RNF150: variants seen among roughly 807,000 people sequenced by gnomAD.
RNF150 encodes the protein ring finger protein 150.
A neutral mutation model predicts 39.3 loss-of-function variants in RNF150; 24 were observed. The ratio of observed to expected loss-of-function variants is 0.61; its 90% CI spans 0.44 to 0.86. The LOEUF (loss-of-function observed/expected upper bound fraction) is 0.86. Among genes scored for constraint, RNF150 ranks in the 40% least tolerant of loss-of-function variants. RNF150 has a pLI of 0.00. For synonymous variants in RNF150, 255 were observed against 227.3 expected, an observed-to-expected ratio of 1.12 and a Z score of -1.10; for missense variants, 502 against 587.8, an observed-to-expected ratio of 0.85 and a Z score of 1.51.
At position 141,162,848 on chromosome 4, in the gene RNF150, G is replaced by A. The variant is rs534897233; in HGVS notation, c.-6+49946C>T. On this transcript the variant is annotated intron_variant, in intron 1 of 7. Coordinates refer to the RNF150 transcript ENST00000420921. ...TCTCTCAAGTGCCTATGCCACCAGG[G>A]CCCTGGGTTTCAAGCACAAAACTGG... Among the ~76,000 whole-genome samples, 7 of 152,310 alleles carry A rather than the reference G, an allele frequency of 4.6e-5. No homozygotes were observed. In the South Asian group the frequency reaches 1.0e-3, roughly 23 times the overall value.
At chr4:141,061,918 C>T (rs1478205296) in intron 1 of RNF150, among the ~76,000 whole-genome samples, 4 of 151,866 alleles carry the variant, frequency 2.6e-5, no homozygotes, top group African/African-American at 9.7e-5. Context: ...GAATCGCCTC[C>T]CAAAAGTACA....
chr4:141,147,934 A>G (rs1375874888), intron 1 of RNF150, among the ~76,000 whole-genome samples: 1 of 152,328 alleles, frequency 6.6e-6, no homozygotes, highest in East Asian at 1.9e-4. Context: ...CCAGGAGTTG[A>G]ATAAAAACTT....
At chr4:141,174,862 G>A (rs1727782641) in intron 1 of RNF150, among the ~76,000 whole-genome samples, 1 of 148,552 alleles carries the variant, frequency 6.7e-6, no homozygotes, top group African/African-American at 2.5e-5. Flanking sequence ...AGTTGTCTGA[G>A]TGGTTACCTG....
rs900938471 is a variant in RNF150 at position 140,866,885 on chromosome 4, T to C, written c.*1376A>G. The C allele has an allele frequency of 6.6e-6, 1 of 152,152 alleles. No homozygotes were observed. The highest frequency in any genetic ancestry group is 2.4e-5 in the African/African-American group (1 of 41,434). 9.4% of individuals were successfully genotyped at this position (152,152 alleles called of 1,614,324 possible). A position where few individuals can be genotyped will look rare whatever the true frequency, so the allele number is the denominator to read the frequency against. On this transcript the variant is annotated 3_prime_UTR_variant, in exon 7 of 7. Coordinates refer to ENST00000515673, the MANE Select transcript of RNF150 (RefSeq NM_020724.2). ...ATTACAAAATTGCCCACTGAAAAAA[T>C]AGCACATTTCTGTCATAGTTACAAA... is the stretch of plus-strand genomic sequence containing the variant.
chr4:141,183,942 A>T (rs2111191948), intron 1 of RNF150, among the ~76,000 whole-genome samples: 1 of 152,242 alleles, frequency 6.6e-6, no homozygotes, highest in South Asian at 2.1e-4. Context: ...AGTCTTTGTT[A>T]TTGTAAATAG....
At chr4:141,131,797 T>C (rs1726896403) in intron 1 of RNF150, among the ~76,000 whole-genome samples, 1 of 152,180 alleles carries the variant, frequency 6.6e-6, no homozygotes, top group South Asian at 2.1e-4. Flanking sequence ...CAGAGCATAG[T>C]ACTTTTAATA....
chr4:140,874,750 T>C (rs954190384), intron 6 of RNF150, among the ~76,000 whole-genome samples: 1 of 152,218 alleles, frequency 6.6e-6, no homozygotes, highest in African/African-American at 2.4e-5. Context: ...TAGCCGGGAC[T>C]ACAGGCATCT....
intron 5 of RNF150, among the ~76,000 whole-genome samples, chr4:140,920,953 T>C (rs1426159078): frequency 6.6e-6 from 1 of 151,786 alleles, no homozygotes; most frequent in Non-Finnish European, 1.5e-5. Context: ...AACCAAACAC[T>C]GCATATTCTC....
chr4:141,091,747 T>A (rs1244946315), intron 1 of RNF150, among the ~76,000 whole-genome samples: 2 of 152,058 alleles, frequency 1.3e-5, no homozygotes, highest in African/African-American at 4.8e-5. Context: ...GCAAATACAT[T>A]CAATTTCTCA....
chr4:140,868,045 C>T lies in RNF150; in HGVS notation c.*216G>A. ...AGGAGTGGAAATCAGCTTTCAACTT[C>T]CCAGCTGCCAAGGCCACAGACTGCC... On this transcript the variant is annotated 3_prime_UTR_variant, in exon 7 of 7. Transcript: ENST00000515673. 1 of 492,190 alleles carries T rather than the reference C, an allele frequency of 2.0e-6. No homozygotes were observed. The highest frequency in any genetic ancestry group is 3.3e-5 in the East Asian group (1 of 30,468). 30.5% of individuals were successfully genotyped at this position (492,190 alleles called of 1,614,324 possible).
At chr4:140,985,334 ACACACAGCTACTGAAAAC>A (rs1485030225) in intron 1 of RNF150, among the ~76,000 whole-genome samples, 1 of 152,184 alleles carries the variant, frequency 6.6e-6, no homozygotes, top group East Asian at 1.9e-4. Context: ...AGTTGCAGTT[ACACACAGCTACTGAAAAC>A]CACCAAACTG....
intron 4 of RNF150, among the ~76,000 whole-genome samples, chr4:140,928,806 A>G (rs1202629642): frequency 6.6e-6 from 1 of 152,116 alleles, no homozygotes; most frequent in Non-Finnish European, 1.5e-5. Context: ...TCAGCCTCCC[A>G]AAGTGCTAGG....
At position 141,174,197 on chromosome 4, in the gene RNF150, G is replaced by A. The variant is rs1005387610; in HGVS notation, c.-6+38597C>T. Among the ~76,000 whole-genome samples, 6 of 152,312 alleles carry A rather than the reference G, an allele frequency of 3.9e-5. No individual in the cohort carries two copies. The East Asian group carries it at 7.7e-4, about 20-fold the overall frequency. On this transcript the variant is annotated intron_variant, in intron 1 of 7. Coordinates refer to the RNF150 transcript ENST00000420921. ...CTTGACTAAAGGCTGGGCAAAAAATGTGCATAAAAGTGTCTGAGACATCTC... is the reference window on the plus strand; with the variant it reads ...CTTGACTAAAGGCTGGGCAAAAAATATGCATAAAAGTGTCTGAGACATCTC...
intron 1 of RNF150, among the ~76,000 whole-genome samples, chr4:141,161,095 C>T (rs1395119798): frequency 1.3e-5 from 2 of 152,058 alleles, no homozygotes; most frequent in Non-Finnish European, 2.9e-5. Flanking sequence ...TTGGGACACC[C>T]TAGAAACTGG....
intron 6 of RNF150, among the ~76,000 whole-genome samples, chr4:140,870,869 C>T (rs1446707695): frequency 6.6e-6 from 1 of 150,602 alleles, no homozygotes; most frequent in Non-Finnish European, 1.5e-5. Flanking sequence ...AAAAAAAAAT[C>T]CCTTCACTGT....
chr4:141,190,308 G>A (rs1323891334), intron 1 of RNF150, among the ~76,000 whole-genome samples: 1 of 152,202 alleles, frequency 6.6e-6, no homozygotes, highest in Non-Finnish European at 1.5e-5. Flanking sequence ...TCGATTTTAA[G>A]TTTATCTAAG....
chr4:141,030,184 A>G (rs565230455), intron 1 of RNF150, among the ~76,000 whole-genome samples: 1 of 151,322 alleles, frequency 6.6e-6, no homozygotes, highest in South Asian at 2.1e-4. Context: ...ACAAAGTGAG[A>G]CTCCGTCTAA....
chr4:141,093,199 T>C (rs1276950743), intron 1 of RNF150, among the ~76,000 whole-genome samples: 1 of 152,002 alleles, frequency 6.6e-6, no homozygotes, highest in African/African-American at 2.4e-5. Context: ...ACCCCATCTC[T>C]ACTAAATACA....
At chr4:141,204,193 T>C (rs1231329881) in intron 1 of RNF150, among the ~76,000 whole-genome samples, 1 of 152,150 alleles carries the variant, frequency 6.6e-6, no homozygotes, top group African/African-American at 2.4e-5. Context: ...AGAGTATAGA[T>C]ATGGGCAGAT....
Sources: gnomAD v4.1 joint callset for allele counts (sites outside exome capture counted in the v4.1 genomes callset) on GRCh38, gnomAD v4.1.1 for gene constraint, MANE v1.5 for transcripts, NCBI Gene and HGNC (gene_info 2026-07-23, HGNC 2026-07-21) for gene names.